SYCP2L: variants seen among roughly 807,000 people sequenced by gnomAD.
The protein encoded by SYCP2L is synaptonemal complex protein 2-like.
SYCP2L carries 98 observed loss-of-function variants against 125.8 expected under a neutral mutation model. The ratio of observed to expected loss-of-function variants is 0.78; its 90% CI spans 0.66 to 0.92. The LOEUF (loss-of-function observed/expected upper bound fraction) is 0.92. Ranked by LOEUF, SYCP2L falls within the 40% of genes least tolerant of loss-of-function variation. SYCP2L has a pLI of 0.00. For synonymous variants in SYCP2L, 317 were observed against 325.4 expected (o/e 0.97, Z 0.28); for missense variants, 842 against 936.4 (o/e 0.90, Z 1.32).
chr6:10,912,147 A>G lies in SYCP2L; in HGVS notation c.919-526A>G, dbSNP rs181948906. Reference sequence around the variant, plus strand: ...GGCAGAGAAGATGTTTACTGTTTCTATAAACACCATACTGTTAGAATCTTT... The same window carrying G: ...GGCAGAGAAGATGTTTACTGTTTCTGTAAACACCATACTGTTAGAATCTTT... On this transcript the variant is annotated intron_variant, in intron 12 of 29. Transcript: ENST00000283141. The surrounding 1 kb of genome is among the most constrained non-coding windows in gnomAD (Gnocchi z 4.1). Among the ~76,000 whole-genome samples, 3 of 152,212 alleles carry G rather than the reference A, an allele frequency of 2.0e-5. No homozygotes were observed. Among genetic ancestry groups the G allele is most frequent in the East Asian group, 1.9e-4 (1 of 5,186 alleles).
At chr6:10,942,933 T>TG (rs1442209790) in intron 23 of SYCP2L, among the ~76,000 whole-genome samples, 187 bp downstream of exon 23, 1 of 151,830 alleles carries the variant, frequency 6.6e-6, no homozygotes, top group East Asian at 1.9e-4. Flanking sequence ...GGAGGAAAAA[T>TG]GGGGGGCTCC....
At chr6:10,934,811 G>C (rs539603089) in intron 20 of SYCP2L, among the ~76,000 whole-genome samples, 25 of 152,270 alleles carry the variant, frequency 1.6e-4, no homozygotes, top group African/African-American at 6.0e-4. Flanking sequence ...GGATTCATGA[G>C]ATTTTCATTT....
intron 20 of SYCP2L, 34 bp downstream of exon 20, chr6:10,931,523 T>C (rs759021415): frequency 1.9e-6 from 3 of 1,599,534 alleles, no homozygotes; most frequent in South Asian, 1.1e-5. Context: ...CTGTGTGCCC[T>C]GTGAGTTAAA....
At chr6:10,962,150 G>A (rs541903102) in intron 28 of SYCP2L, among the ~76,000 whole-genome samples, 2 of 152,100 alleles carry the variant, frequency 1.3e-5, no homozygotes, top group South Asian at 4.2e-4. Context: ...TTTCCCACTC[G>A]AATAATCAAA....
At chr6:10,894,227 A>G in intron 4 of SYCP2L, 23 bp downstream of exon 4, 1 of 1,609,670 alleles carries the variant, frequency 6.2e-7, no homozygotes, top group Non-Finnish European at 8.5e-7. Context: ...TTTTAATTTT[A>G]TATGGCTTTG....
chr6:10,910,938 T>G (rs1444794905), intron 12 of SYCP2L, 69 bp downstream of exon 12: 2 of 1,552,874 alleles, frequency 1.3e-6, no homozygotes, highest in Non-Finnish European at 1.8e-6. Context: ...TTTACGTGGT[T>G]AGATCAAACT....
chr6:10,899,171 C>T (rs1320627364), intron 6 of SYCP2L, among the ~76,000 whole-genome samples: 1 of 152,192 alleles, frequency 6.6e-6, no homozygotes, highest in Non-Finnish European at 1.5e-5. Context: ...ATTCAGATGC[C>T]TTTCTCTGTC....
At chr6:10,939,422 A>G (rs1781172402) in intron 21 of SYCP2L, among the ~76,000 whole-genome samples, 1 of 152,254 alleles carries the variant, frequency 6.6e-6, no homozygotes. Context: ...AGCCAAAGCA[A>G]TCTTGAGAAA....
chr6:10,890,611 A>G (rs1780156274), intron 1 of SYCP2L, among the ~76,000 whole-genome samples: 1 of 152,144 alleles, frequency 6.6e-6, no homozygotes, highest in Admixed American at 6.5e-5. Flanking sequence ...TTGGATGCAT[A>G]GTTTGCAAAT....
At chr6:10,920,951 A>G (rs1212644966) in intron 14 of SYCP2L, among the ~76,000 whole-genome samples, 1 of 152,086 alleles carries the variant, frequency 6.6e-6, no homozygotes, top group Non-Finnish European at 1.5e-5. Flanking sequence ...CAGGTTTGTT[A>G]CATGTGCCAT....
chr6:10,902,155 C>G (rs1435479204), intron 6 of SYCP2L, among the ~76,000 whole-genome samples: 5 of 152,222 alleles, frequency 3.3e-5, no homozygotes, highest in Non-Finnish European at 7.3e-5. Flanking sequence ...AGCACAATTG[C>G]TCCGTAACAG....
At chr6:10,928,537 C>T (rs1464200021) in intron 18 of SYCP2L, 87 bp downstream of exon 18, 23 of 1,426,762 alleles carry the variant, frequency 1.6e-5, no homozygotes, top group Non-Finnish European at 9.2e-7. Flanking sequence ...GTTCATGGAC[C>T]ATTTTCTCCT....
intron 21 of SYCP2L, among the ~76,000 whole-genome samples, chr6:10,939,423 T>C (rs1781172449): frequency 6.6e-6 from 1 of 152,186 alleles, no homozygotes; most frequent in Non-Finnish European, 1.5e-5. Flanking sequence ...GCCAAAGCAA[T>C]CTTGAGAAAG....
Position 10,894,067 on chromosome 6 carries a change from A to G in SYCP2L, c.217-18A>G, listed in dbSNP as rs1345693884. 2.5e-6 allele frequency: 4 copies of G among 1,603,902 alleles called. No individual in the cohort carries two copies. Among genetic ancestry groups the G allele is most frequent in the Non-Finnish European group, 8.5e-7 (1 of 1,177,570 alleles). ...TAATTATTTATAAGTGTTTTAACTT[A>G]GTGTGGTTTATACCTAGGAACTAGA... On this transcript the variant is annotated intron_variant, in intron 3 of 29. Transcript: ENST00000283141.
At chr6:10,940,621 A>G (rs1781200910) in intron 21 of SYCP2L, among the ~76,000 whole-genome samples, 1 of 152,292 alleles carries the variant, frequency 6.6e-6, no homozygotes, top group South Asian at 2.1e-4. Context: ...TACGGAATGT[A>G]AAAAAGTCAA....
chr6:10,923,803 C>T (rs1168089455), intron 14 of SYCP2L, among the ~76,000 whole-genome samples: 1 of 151,926 alleles, frequency 6.6e-6, no homozygotes, highest in Non-Finnish European at 1.5e-5. Flanking sequence ...CCCGCCTCAG[C>T]CTCCCGAATA....
intron 14 of SYCP2L, among the ~76,000 whole-genome samples, chr6:10,919,506 G>T (rs983173530): frequency 2.0e-5 from 3 of 152,170 alleles, no homozygotes; most frequent in Non-Finnish European, 4.4e-5. Context: ...CTCTGTGATG[G>T]TTCTTAACTT....
At chr6:10,921,130 T>G (rs1467540055) in intron 14 of SYCP2L, among the ~76,000 whole-genome samples, 1 of 152,094 alleles carries the variant, frequency 6.6e-6, no homozygotes, top group East Asian at 1.9e-4. Context: ...GAACATGCGG[T>G]GTTTGGTTTT....
chr6:10,956,002 C>T (rs1015751750), intron 24 of SYCP2L, 134 bp from the exon 25 acceptor site: 10 of 655,690 alleles, frequency 1.5e-5, no homozygotes, highest in South Asian at 3.7e-5. Context: ...AGGTCATGTC[C>T]AGGCAGTCAG....
Sources: allele counts gnomAD v4.1 joint callset (sites outside exome capture counted in the v4.1 genomes callset), GRCh38; gene constraint gnomAD v4.1.1; non-coding constraint Gnocchi (gnomAD v3.1); transcripts MANE v1.5; gene names NCBI Gene and HGNC (gene_info 2026-07-23, HGNC 2026-07-21).